LINGO2: variants seen among roughly 807,000 people sequenced by gnomAD.
LINGO2 encodes leucine rich repeat and Ig domain containing 2.
Under a neutral mutation model 30.6 loss-of-function variants are expected in LINGO2, and 14 were observed. The ratio of observed to expected loss-of-function variants is 0.46; its 90% CI spans 0.30 to 0.72. The LOEUF is 0.72. Ranked by LOEUF, LINGO2 falls within the 30% of genes least tolerant of loss-of-function variation. The pLI, the probability that LINGO2 is intolerant of heterozygous loss-of-function variation, is 0.07. For missense variants in LINGO2, 729 were observed against 751.7 expected (o/e 0.97, Z 0.35); for synonymous variants, 317 against 288.5 (o/e 1.10, Z -1.00).
chr9:28,238,520 A>C (rs1414278550), intron 4 of LINGO2, among the ~76,000 whole-genome samples: 1 of 152,190 alleles, frequency 6.6e-6, no homozygotes, highest in African/African-American at 2.4e-5. Flanking sequence ...AACACATGGA[A>C]ATTAAACAAT....
At position 28,561,782 on chromosome 9, in the gene LINGO2, A is replaced by ATATAT. The variant is rs1563826654; in HGVS notation, c.-364-85758_-364-85757insATATA. 2.8e-3 allele frequency among the ~76,000 whole-genome samples: 209 copies of ATATAT among 73,592 alleles called. 33 individuals carry two copies. The highest frequency in any genetic ancestry group is 8.4e-3 in the African/African-American group (117 of 13,888). 48.3% of individuals were successfully genotyped at this position (73,592 alleles called of 152,430 possible). ...ATATATATATATATATATATATATA[A>ATATAT]AAAATATGCTACTAGAACTGAAAAA... is the stretch of plus-strand genomic sequence containing the variant. On this transcript the variant is annotated intron_variant, in intron 1 of 5. Coordinates refer to ENST00000379992, the Ensembl canonical transcript of LINGO2.
chr9:28,857,523 G>C, the LINGO2 span, among the ~76,000 whole-genome samples: 1 of 151,994 alleles, frequency 6.6e-6, no homozygotes, highest in African/African-American at 2.4e-5. Flanking sequence ...AGTCTGATTC[G>C]AGAGCCCATG....
chr9:29,203,311 C>A, the LINGO2 span, among the ~76,000 whole-genome samples: 1 of 152,114 alleles, frequency 6.6e-6, no homozygotes, highest in Admixed American at 6.6e-5. Context: ...CTGCTACAGA[C>A]TTCAGTGTTT....
the LINGO2 span, among the ~76,000 whole-genome samples, chr9:28,795,100 C>G: frequency 6.6e-6 from 1 of 152,050 alleles, no homozygotes; most frequent in Non-Finnish European, 1.5e-5. Context: ...TCCCATAGTG[C>G]TGGGATTACA....
chr9:28,395,769 A>G (rs1822016668), intron 2 of LINGO2, among the ~76,000 whole-genome samples: 1 of 152,348 alleles, frequency 6.6e-6, no homozygotes, highest in East Asian at 1.9e-4. Context: ...TTTTATAATT[A>G]CAGTTGGTTC....
At chr9:29,172,614 T>C in the LINGO2 span, among the ~76,000 whole-genome samples, 1 of 151,892 alleles carries the variant, frequency 6.6e-6, no homozygotes, top group South Asian at 2.1e-4. Context: ...AATGCAAAAC[T>C]ACAGAAGAAA....
chr9:29,013,341 G>C, the LINGO2 span, among the ~76,000 whole-genome samples: 2 of 152,048 alleles, frequency 1.3e-5, no homozygotes, highest in Non-Finnish European at 2.9e-5. Context: ...TCACTTTTCA[G>C]ATGCAACTTA....
chr9:28,515,745 G>C (rs1820595921), intron 1 of LINGO2, among the ~76,000 whole-genome samples: 1 of 152,118 alleles, frequency 6.6e-6, no homozygotes, highest in Non-Finnish European at 1.5e-5. Context: ...TGACAACAAA[G>C]GATTTTAGAA....
chr9:29,031,110 C>A, the LINGO2 span, among the ~76,000 whole-genome samples: 1 of 151,986 alleles, frequency 6.6e-6, no homozygotes, highest in Non-Finnish European at 1.5e-5. Context: ...GAAAATCTCC[C>A]ATTGACACTG....
chr9:28,960,591 A>T, the LINGO2 span, among the ~76,000 whole-genome samples: 2 of 149,672 alleles, frequency 1.3e-5, no homozygotes, highest in Non-Finnish European at 3.0e-5. Flanking sequence ...ATCTGTGCTC[A>T]TTTGTGAGTG....
intron 3 of LINGO2, among the ~76,000 whole-genome samples, chr9:28,351,746 C>G (rs1474016010): frequency 2.0e-5 from 3 of 152,054 alleles, no homozygotes; most frequent in Non-Finnish European, 2.9e-5. Context: ...GTGCAAAAAT[C>G]CTCAATAAAA....
intron 3 of LINGO2, among the ~76,000 whole-genome samples, chr9:28,332,199 C>G (rs1308217868): frequency 6.6e-6 from 1 of 150,644 alleles, no homozygotes; most frequent in African/African-American, 2.4e-5. Context: ...TTTTTTTTTT[C>G]TAGTCCTTGC....
At chr9:29,037,929 A>C in the LINGO2 span, among the ~76,000 whole-genome samples, 1 of 152,040 alleles carries the variant, frequency 6.6e-6, no homozygotes, top group Non-Finnish European at 1.5e-5. Flanking sequence ...TTAATAGAAA[A>C]AATATCATTT....
chr9:29,195,354 TG>T, the LINGO2 span, among the ~76,000 whole-genome samples: 1 of 151,876 alleles, frequency 6.6e-6, no homozygotes, highest in Non-Finnish European at 1.5e-5. Flanking sequence ...ATTGTGTGTG[TG>T]TGTGTGTGGG....
At chr9:29,205,878 C>G in the LINGO2 span, among the ~76,000 whole-genome samples, 2 of 152,194 alleles carry the variant, frequency 1.3e-5, no homozygotes. Flanking sequence ...TGTGCCCATA[C>G]GCAGTCACTC....
intron 4 of LINGO2, among the ~76,000 whole-genome samples, chr9:28,279,441 C>T (rs530736217): frequency 1.4e-4 from 21 of 152,150 alleles, no homozygotes; most frequent in Non-Finnish European, 2.4e-4. Context: ...AAAATTGCCA[C>T]AGCCACTTCA....
intron 4 of LINGO2, among the ~76,000 whole-genome samples, chr9:28,220,055 C>T (rs1421230169): frequency 6.6e-6 from 1 of 152,090 alleles, no homozygotes; most frequent in East Asian, 1.9e-4. Context: ...TGCAGTATAA[C>T]AACAACTTAC....
chr9:28,353,748 C>G (rs1042854663), intron 3 of LINGO2, among the ~76,000 whole-genome samples: 1 of 152,064 alleles, frequency 6.6e-6, no homozygotes, highest in Non-Finnish European at 1.5e-5. Flanking sequence ...GACTTGGAAC[C>G]AACCCAAATG....
the LINGO2 span, among the ~76,000 whole-genome samples, chr9:28,909,531 C>T: frequency 6.6e-6 from 1 of 152,040 alleles, no homozygotes; most frequent in Non-Finnish European, 1.5e-5. Context: ...AAATGGAATA[C>T]TTAAACTTTC....
Sources: allele counts gnomAD v4.1 joint callset (sites outside exome capture counted in the v4.1 genomes callset), GRCh38; gene constraint gnomAD v4.1.1; transcripts MANE v1.5; gene names NCBI Gene and HGNC (gene_info 2026-07-23, HGNC 2026-07-21).